The following DLGAP1 variants were observed in gnomAD, a reference collection of about 807,000 sequenced individuals.
DLGAP1 encodes DLG associated protein 1, also known as disks large-associated protein 1.
A neutral mutation model predicts 90.8 loss-of-function variants in DLGAP1; 11 were observed. The observed-to-expected ratio is 0.12, with a 90% CI of 0.08 to 0.20. The LOEUF (loss-of-function observed/expected upper bound fraction) is 0.20. Ranked by LOEUF, DLGAP1 falls within the 10% of genes least tolerant of loss-of-function variation. DLGAP1 has a pLI of 1.00. For missense variants in DLGAP1, 1,050 were observed against 1,333.8 expected, an observed-to-expected ratio of 0.79 and a Z score of 3.31; for synonymous variants, 558 against 540.7, an observed-to-expected ratio of 1.03 and a Z score of -0.44.
At chr18:4,011,831 C>G (rs2074428835) in intron 2 of DLGAP1, among the ~76,000 whole-genome samples, 1 of 151,744 alleles carries the variant, frequency 6.6e-6, no homozygotes, top group African/African-American at 2.4e-5. Flanking sequence ...ATGACCCTGT[C>G]TCAAACGACA....
chr18:4,248,054 C>T (rs1365657289), intron 1 of DLGAP1, among the ~76,000 whole-genome samples: 3 of 151,990 alleles, frequency 2.0e-5, no homozygotes, highest in African/African-American at 4.8e-5. Context: ...AAAAAAATAT[C>T]GTGATTTTGG....
At chr18:3,502,167 G>T in intron 12 of DLGAP1, 1 of 1,176,080 alleles carries the variant, frequency 8.5e-7, no homozygotes, top group Non-Finnish European at 1.1e-6. Context: ...CACTGAAGAT[G>T]TCATTTATTT....
chr18:3,753,936 C>T (rs758058711), intron 5 of DLGAP1, among the ~76,000 whole-genome samples: 10 of 152,206 alleles, frequency 6.6e-5, no homozygotes, highest in African/African-American at 1.9e-4. Context: ...AACCTGGAGA[C>T]GCTCAAGTCC....
At position 3,916,237 on chromosome 18, in the gene DLGAP1, A is replaced by C. The variant is rs146545166; in HGVS notation, c.-72-36097T>G. On this transcript the variant is annotated intron_variant, in intron 3 of 12. Coordinates refer to ENST00000315677, the MANE Select transcript of DLGAP1 (RefSeq NM_004746.4). ...CCCACGGTCACAGTTGCACCAGCCAAATCTGTTTTTGTGCCCGTGTCTTCT... is the reference window on the plus strand; with the variant it reads ...CCCACGGTCACAGTTGCACCAGCCACATCTGTTTTTGTGCCCGTGTCTTCT... Among the ~76,000 whole-genome samples, 1,063 of 152,248 alleles carry C rather than the reference A, an allele frequency of 7.0e-3. 4 individuals carry two copies. Among genetic ancestry groups the C allele is most frequent in the South Asian group, 0.027 (128 of 4,810 alleles).
intron 7 of DLGAP1, among the ~76,000 whole-genome samples, chr18:3,672,630 T>TAAAC (rs2060140669): frequency 7.5e-6 from 1 of 134,038 alleles, no homozygotes; most frequent in South Asian, 2.7e-4. Flanking sequence ...AACAGGTAGA[T>TAAAC]AAACCCAGGA....
intron 5 of DLGAP1, among the ~76,000 whole-genome samples, chr18:3,761,002 T>C (rs1052809734): frequency 3.3e-5 from 5 of 152,224 alleles, no homozygotes; most frequent in African/African-American, 9.6e-5. Flanking sequence ...ATCCACCTTA[T>C]GGAATTGTGT....
chr18:4,248,709 A>G (rs577917730), intron 1 of DLGAP1: 1 of 152,440 alleles, frequency 6.6e-6, no homozygotes, highest in African/African-American at 2.4e-5. Flanking sequence ...TCTCCCTCTC[A>G]GACTATTCTC....
chr18:3,589,759 G>A (rs373303307), intron 7 of DLGAP1, among the ~76,000 whole-genome samples: 4 of 152,278 alleles, frequency 2.6e-5, no homozygotes, highest in South Asian at 4.2e-4. Flanking sequence ...TGGATTTGCT[G>A]TGAGTTCTAT....
At chr18:3,885,472 G>C (rs1358687636) in intron 3 of DLGAP1, 6 of 152,226 alleles carry the variant, frequency 3.9e-5, no homozygotes, top group African/African-American at 1.2e-4. Flanking sequence ...AACATGAAAA[G>C]AGATAAATAA....
intron 1 of DLGAP1, among the ~76,000 whole-genome samples, chr18:4,261,022 G>C (rs1598747479): frequency 6.6e-6 from 1 of 152,180 alleles, no homozygotes; most frequent in East Asian, 1.9e-4. Flanking sequence ...AGTGTGTAAA[G>C]GACAAACACG....
At chr18:3,506,593 TG>T (rs1326296033) in intron 11 of DLGAP1, among the ~76,000 whole-genome samples, 1 of 151,986 alleles carries the variant, frequency 6.6e-6, no homozygotes, top group Non-Finnish European at 1.5e-5. Context: ...TCAAAACTTT[TG>T]TTTGCAATTT....
chr18:3,936,337 GC>G lies in DLGAP1; in HGVS notation c.-72-56198del, dbSNP rs915054669. Among the ~76,000 whole-genome samples the G allele has an allele frequency of 1.1e-3, 163 of 152,280 alleles. 2 individuals carry two copies. The Middle Eastern group carries it at 0.02, about 19-fold the overall frequency. On this transcript the variant is annotated intron_variant, in intron 3 of 12. Coordinates refer to ENST00000315677, the MANE Select transcript of DLGAP1 (RefSeq NM_004746.4). ...AGCTCCACTCCTTGCTCTACAATTT[GC>G]CCCCAAGTGACACATAAAATTCTTC...
At chr18:3,649,315 C>T (rs562666810) in intron 7 of DLGAP1, among the ~76,000 whole-genome samples, 4 of 152,194 alleles carry the variant, frequency 2.6e-5, no homozygotes, top group Non-Finnish European at 5.9e-5. Context: ...TGACTTGCCC[C>T]TGGCAGATGC....
intron 1 of DLGAP1, among the ~76,000 whole-genome samples, chr18:4,391,760 C>T (rs953302744): frequency 6.6e-6 from 1 of 152,132 alleles, no homozygotes; most frequent in Non-Finnish European, 1.5e-5. Flanking sequence ...CCCAGAAACG[C>T]ATGTTCTTGG....
intron 5 of DLGAP1, among the ~76,000 whole-genome samples, chr18:3,760,568 A>C (rs772521885): frequency 1.3e-5 from 2 of 152,188 alleles, no homozygotes; most frequent in Non-Finnish European, 2.9e-5. Context: ...TTTGGGCTAC[A>C]GGCTGCTTTC....
chr18:4,258,011 G>GT (rs34850713), intron 1 of DLGAP1, among the ~76,000 whole-genome samples: 1 of 107,390 alleles, frequency 9.3e-6, no homozygotes, highest in African/African-American at 6.5e-5. Context: ...GTGTGTGTGT[G>GT]CGCGCGCGCG....
chr18:4,041,046 G>A (rs80126627), intron 2 of DLGAP1, among the ~76,000 whole-genome samples: 1 of 152,234 alleles, frequency 6.6e-6, no homozygotes, highest in South Asian at 2.1e-4. Context: ...GAAGCAGCAG[G>A]GTGAAGCAAT....
chr18:4,425,815 T>A (rs1355065605), intron 1 of DLGAP1, among the ~76,000 whole-genome samples: 1 of 152,106 alleles, frequency 6.6e-6, no homozygotes, highest in Non-Finnish European at 1.5e-5. Context: ...ACTCCCCCAA[T>A]ATGACCATAT....
chr18:3,512,475 C>T (rs2050598988), intron 10 of DLGAP1, among the ~76,000 whole-genome samples: 1 of 152,184 alleles, frequency 6.6e-6, no homozygotes, highest in African/African-American at 2.4e-5. Flanking sequence ...TATAATTCTT[C>T]AAACCTCTCA....
Sources: gnomAD v4.1 joint callset for allele counts (sites outside exome capture counted in the v4.1 genomes callset) on GRCh38, gnomAD v4.1.1 for gene constraint, MANE v1.5 for transcripts, NCBI Gene and HGNC (gene_info 2026-07-23, HGNC 2026-07-21) for gene names.